The following ZFR2 variants were observed in gnomAD, a reference collection of about 807,000 sequenced individuals.
The protein encoded by ZFR2 is zinc finger RNA-binding protein 2.
ZFR2 carries 104 observed loss-of-function variants against 105.7 expected under a neutral mutation model. The observed-to-expected ratio is 0.98, with a 90% CI of 0.84 to 1.16. The LOEUF is 1.16. Ranked by LOEUF, ZFR2 falls within the 50% of genes most tolerant of loss-of-function variation. The pLI is 0.00. For missense variants in ZFR2, 1,425 were observed against 1,355.5 expected, an observed-to-expected ratio of 1.05 and a Z score of -0.80; for synonymous variants, 634 against 597.7, an observed-to-expected ratio of 1.06 and a Z score of -0.89.
rs975098436 is a variant in ZFR2, at chr19:3,838,051, A to G, written c.54-3068T>C. Reference sequence around the variant, plus strand: ...GTGACTGTGACACACGATGAACACCATGACCGTGACACGTGATGAACACCA... The same window carrying G: ...GTGACTGTGACACACGATGAACACCGTGACCGTGACACGTGATGAACACCA... On this transcript the variant is annotated intron_variant, in intron 1 of 18. Coordinates refer to ENST00000262961, the MANE Select transcript of ZFR2 (RefSeq NM_015174.2). This position sits in a 1 kb window ranked among gnomAD's most constrained non-coding sequence, Gnocchi z 4.9. Among the ~76,000 whole-genome samples, 5 of 148,852 alleles carry G rather than the reference A, an allele frequency of 3.4e-5. No homozygotes were observed. Among genetic ancestry groups the G allele is most frequent in the Admixed American group, 6.7e-5 (1 of 14,938 alleles).
At position 3,847,528 on chromosome 19, in the gene ZFR2, GA is replaced by G. The variant is rs944950292; in HGVS notation, c.54-12546del. 5.6e-3 allele frequency among the ~76,000 whole-genome samples: 827 copies of G among 146,548 alleles called. 7 individuals are homozygous for G. Among genetic ancestry groups the G allele is most frequent in the African/African-American group, 0.019 (777 of 39,904 alleles). On this transcript the variant is annotated intron_variant, in intron 1 of 18. Transcript: ENST00000262961. Reference sequence around the variant, plus strand: ...AACAGAGCGAGACTCCTTCTCAAAAGAAAAAAAAAAGTATTTTTTGAAAATA... The same window carrying G: ...AACAGAGCGAGACTCCTTCTCAAAAGAAAAAAAAAGTATTTTTTGAAAATA...
intron 16 of ZFR2, among the ~76,000 whole-genome samples, chr19:3,809,835 T>C (rs1271401678): frequency 1.3e-5 from 2 of 151,850 alleles, no homozygotes; most frequent in African/African-American, 4.8e-5. Context: ...TCCCAGCTAC[T>C]CGGGAGGCTG....
intron 5 of ZFR2, 115 bp from the exon 6 acceptor site, chr19:3,827,768 G>T: frequency 8.4e-7 from 1 of 1,187,070 alleles, no homozygotes; most frequent in Non-Finnish European, 1.2e-6. Context: ...GAGGCCCGCT[G>T]TCCCCAACCC....
intron 7 of ZFR2, 135 bp downstream of exon 7, chr19:3,825,095 C>T (rs572633777): frequency 4.5e-5 from 48 of 1,065,522 alleles, no homozygotes; most frequent in South Asian, 3.4e-4. Flanking sequence ...AAGGGAGAGA[C>T]GGCACCAGCC....
In ZFR2 at chr19:3,831,862, G is replaced by T. The variant is rs760306477; in HGVS notation, c.396C>A (p.Cys132Ter). ...GACTGCCATGGGGGCTGGGCTGCCCGCAGGCTTCTTGGGTCCCTAGGGGAC... is the reference window on the plus strand; with the variant it reads ...GACTGCCATGGGGGCTGGGCTGCCCTCAGGCTTCTTGGGTCCCTAGGGGAC... ...DSGQPGTQEA[C>*]GQPSPHGSHS... The change falls in exon 4 of 19, where the codon TGC becomes TGA. Residue 132 changes from cysteine to a stop codon, truncating the protein, a stop_gained. Coordinates refer to ENST00000262961, the MANE Select transcript of ZFR2 (RefSeq NM_015174.2). LOFTEE classifies it high-confidence loss of function. The T allele has an allele frequency of 2.3e-5, 36 of 1,585,146 alleles. No individual in the cohort carries two copies. Among genetic ancestry groups the T allele is most frequent in the Non-Finnish European group, 2.7e-5 (32 of 1,169,242 alleles).
At position 3,818,216 on chromosome 19, in the gene ZFR2, G is replaced by A. The variant is rs141622395; in HGVS notation, c.1931+829C>T. 1.1e-3 allele frequency among the ~76,000 whole-genome samples: 169 copies of A among 152,282 alleles called. 1 individual carries two copies. The East Asian group carries it at 0.019, about 17-fold the overall frequency. ...AAGAGGAAAGTGAACCCGTAATCCC[G>A]GCACTTTGGGAGGCCGAGGTGGGAG... On this transcript the variant is annotated intron_variant, in intron 12 of 18. Transcript: ENST00000262961.
At chr19:3,818,232 G>C (rs1429021746) in intron 12 of ZFR2, among the ~76,000 whole-genome samples, 1 of 152,252 alleles carries the variant, frequency 6.6e-6, no homozygotes, top group Non-Finnish European at 1.5e-5. Flanking sequence ...TTGGGAGGCC[G>C]AGGTGGGAGG....
chr19:3,838,765 G>C lies in ZFR2; in HGVS notation c.54-3782C>G, dbSNP rs537017053. 6.6e-6 allele frequency among the ~76,000 whole-genome samples: 1 copy of C among 152,138 alleles called. No individual in the cohort carries two copies. Among genetic ancestry groups the C allele is most frequent in the African/African-American group, 2.4e-5 (1 of 41,478 alleles). On this transcript the variant is annotated intron_variant, in intron 1 of 18. Transcript: ENST00000262961. This position sits in a 1 kb window ranked among gnomAD's most constrained non-coding sequence, Gnocchi z 4.9. ...GATGCTGATCAGCCTCTGTCCCCTG[G>C]TCCTGCTTTTTCTTCTTCCTGGCAC...
At chr19:3,826,597 C>T (rs948431377) in intron 6 of ZFR2, among the ~76,000 whole-genome samples, 6 of 151,950 alleles carry the variant, frequency 3.9e-5, no homozygotes, top group African/African-American at 7.2e-5. Context: ...CCACCACGCC[C>T]GGCTAATTTT....
chr19:3,820,151 C>G (rs375574317), intron 11 of ZFR2, 31 bp downstream of exon 11: 8 of 1,547,628 alleles, frequency 5.2e-6, no homozygotes, highest in Non-Finnish European at 7.0e-6. Flanking sequence ...TGAGGTCGCC[C>G]GCGTTTGCAC....
intron 1 of ZFR2, among the ~76,000 whole-genome samples, chr19:3,856,415 T>C (rs8105203): frequency 0.023 from 3,539 of 152,198 alleles, 136 homozygotes; most frequent in African/African-American, 0.08. Flanking sequence ...GATTGAGATA[T>C]AGTCCACACT....
chr19:3,827,818 T>G (rs1346170835), intron 5 of ZFR2, among the ~76,000 whole-genome samples, 165 bp from the exon 6 acceptor site: 3 of 152,114 alleles, frequency 2.0e-5, no homozygotes, highest in Non-Finnish European at 4.4e-5. Flanking sequence ...TGTCCCTTTA[T>G]TTTTCTTATT....
chr19:3,856,538 C>T (rs145743043), intron 1 of ZFR2, among the ~76,000 whole-genome samples: 87 of 152,212 alleles, frequency 5.7e-4, no homozygotes, highest in African/African-American at 2.0e-3. Context: ...CAAAAAGAAA[C>T]CTGTCCCCAT....
chr19:3,808,077 G>T (rs1428939796), intron 17 of ZFR2, among the ~76,000 whole-genome samples: 1 of 127,278 alleles, frequency 7.9e-6, no homozygotes, highest in Non-Finnish European at 1.6e-5. Flanking sequence ...GCCCGTGTGT[G>T]CAAGTACATC....
At chr19:3,814,153 C>T (rs527259660) in intron 13 of ZFR2, among the ~76,000 whole-genome samples, 195 bp from the exon 14 acceptor site, 92 of 152,242 alleles carry the variant, frequency 6.0e-4, no homozygotes, top group Middle Eastern at 6.8e-3. Flanking sequence ...CAGGAGTGCA[C>T]ACATGTAGAG....
chr19:3,849,189 C>T (rs910638187), intron 1 of ZFR2, among the ~76,000 whole-genome samples: 1 of 152,184 alleles, frequency 6.6e-6, no homozygotes, highest in Non-Finnish European at 1.5e-5. Flanking sequence ...GCTGTGGGGG[C>T]AAGTGAACCT....
chr19:3,853,784 C>T (rs995903796), intron 1 of ZFR2, among the ~76,000 whole-genome samples: 1 of 152,094 alleles, frequency 6.6e-6, no homozygotes, highest in Non-Finnish European at 1.5e-5. Flanking sequence ...TACTAAAAAC[C>T]AGGCTGGGTG....
chr19:3,814,776 C>G (rs2037807360), intron 13 of ZFR2, among the ~76,000 whole-genome samples: 1 of 152,192 alleles, frequency 6.6e-6, no homozygotes, highest in African/African-American at 2.4e-5. Flanking sequence ...CACTCCCCTG[C>G]TCAAAACCCT....
At position 3,859,295 on chromosome 19, in the gene ZFR2, G is replaced by C. The variant is rs376340333; in HGVS notation, c.53+9670C>G. Among the ~76,000 whole-genome samples the C allele has an allele frequency of 3.3e-5, 5 of 152,128 alleles. No homozygotes were observed. The East Asian group carries it at 5.8e-4, about 18-fold the overall frequency. ...CACCAGCAGTTGGCCAGGGGCTCTC[G>C]GGCCTTTGGCCACAGACTGACGGCT... On this transcript the variant is annotated intron_variant, in intron 1 of 18. Coordinates refer to ENST00000262961, the MANE Select transcript of ZFR2 (RefSeq NM_015174.2).
Sources: allele counts gnomAD v4.1 joint callset (sites outside exome capture counted in the v4.1 genomes callset), GRCh38; gene constraint gnomAD v4.1.1; non-coding constraint Gnocchi (gnomAD v3.1); transcripts MANE v1.5; gene names NCBI Gene and HGNC (gene_info 2026-07-23, HGNC 2026-07-21).